Variants in SSTR2 observed in about 807,000 individuals in gnomAD.
SSTR2 encodes the protein somatostatin receptor type 2.
SSTR2 carries 10 observed loss-of-function variants against 21.4 expected under a neutral mutation model. The observed-to-expected ratio is 0.47, with a 90% confidence interval of 0.29 to 0.79. The LOEUF (loss-of-function observed/expected upper bound fraction) is 0.79, where lower values mean the gene tolerates loss of function less well. Ranked by LOEUF, SSTR2 falls within the 30% of genes least tolerant of loss-of-function variation. SSTR2 has a pLI of 0.10. For missense variants in SSTR2, 364 were observed against 468.8 expected (o/e 0.78, Z 2.06); for synonymous variants, 177 against 181.3 (o/e 0.98, Z 0.19).
In SSTR2 at chr17:73,169,874, C is replaced by T. The variant is rs751744540; in HGVS notation, c.555C>T (p.Ser185=). 14 of 1,612,388 alleles carry T rather than the reference C, an allele frequency of 8.7e-6. No individual in the cohort carries two copies. The South Asian group carries it at 1.5e-4, about 18-fold the overall frequency. Residue 185 remains serine, a synonymous_variant, in exon 2 of 2, where the codon AGC becomes AGT. Coordinates refer to ENST00000357585, the MANE Select transcript of SSTR2 (RefSeq NM_001050.3). This position sits in a 1 kb window ranked among gnomAD's most constrained non-coding sequence, Gnocchi z 5.2. ...TCATGATATATGCTGGGCTCCGGAG[C>T]AACCAGTGGGGGAGAAGCAGCTGCA... is the stretch of plus-strand genomic sequence containing the variant. ...LPIMIYAGLR[S]NQWGRSSCTI...
rs1599310590 is a variant in SSTR2 at position 73,171,959 on chromosome 17, G to GAAAAAAAAAAAAAAAAAAAA, written c.*1534_*1535insAAAAAAAAAAAAAAAAAAAA. 1.4e-5 allele frequency: 1 copy of GAAAAAAAAAAAAAAAAAAAA among 73,190 alleles called. No homozygotes were observed. Among genetic ancestry groups the GAAAAAAAAAAAAAAAAAAAA allele is most frequent in the East Asian group, 4.5e-4 (1 of 2,238 alleles). 4.5% of individuals were successfully genotyped at this position (73,190 alleles called of 1,614,324 possible). ...AAAAAAAAAAAAAAAAAAAAAAAAG[G>GAAAAAAAAAAAAAAAAAAAA]AAAACCACAATGCGTACTAAAGACC... On this transcript the variant is annotated 3_prime_UTR_variant, in exon 2 of 2. Coordinates refer to ENST00000357585, the MANE Select transcript of SSTR2 (RefSeq NM_001050.3).
rs1200539872 is a variant in SSTR2 at position 73,176,411 on chromosome 17, T to C, written c.*5982T>C. 2.0e-5 allele frequency: 3 copies of C among 152,122 alleles called. No individual in the cohort carries two copies. Among genetic ancestry groups the C allele is most frequent in the Non-Finnish European group, 4.4e-5 (3 of 68,012 alleles). The allele number at this position is 152,122 out of a possible 1,614,324, so 9.4% of individuals were successfully genotyped here. The stretch of plus-strand genomic sequence containing the variant: ...GACCCAGTGGGAGGTAATTGAATCA[T>C]GGGGGTGGTTACCGCCATGCTGTTC... On this transcript the variant is annotated 3_prime_UTR_variant, in exon 2 of 2. Transcript: ENST00000357585.
At chr17:73,166,144 C>A (rs533204940) in intron 1 of SSTR2, among the ~76,000 whole-genome samples, 1 of 152,230 alleles carries the variant, frequency 6.6e-6, no homozygotes, top group African/African-American at 2.4e-5. Context: ...TCCTGACACT[C>A]GCCCCTCCAT....
chr17:73,169,402 C>T lies in SSTR2; in HGVS notation c.83C>T (p.Thr28Ile). Residue 28 changes from threonine (T) to isoleucine (I), a missense_variant, in exon 2 of 2, where the codon ACC becomes ATC. By Grantham distance (89) the Thr-to-Ile change is moderately conservative. This residue lies in a region of SSTR2 where 75 missense variants were observed against 75.4 expected (regional missense o/e 0.99). Transcript: ENST00000357585. The surrounding 1 kb of genome is among the most constrained non-coding windows in gnomAD (Gnocchi z 5.2). ...GACCTCAATGGCTCTGTGGTGTCAA[C>T]CAACACCTCAAACCAGACAGAGCCG... ...PFDLNGSVVSTNTSNQTEPYY... is the reference protein window; with the variant it reads ...PFDLNGSVVSINTSNQTEPYY... 1 of 1,614,206 alleles carries T rather than the reference C, an allele frequency of 6.2e-7. No homozygotes were observed. The highest frequency in any genetic ancestry group is 8.5e-7 in the Non-Finnish European group (1 of 1,180,036).
intron 1 of SSTR2, among the ~76,000 whole-genome samples, chr17:73,165,952 C>G (rs1354344035): frequency 1.3e-5 from 2 of 150,522 alleles, no homozygotes; most frequent in East Asian, 1.9e-4. Context: ...GCCCCCCCCC[C>G]ACACCCGGCA....
rs1470441891 is a variant in SSTR2 at position 73,169,441 on chromosome 17, C to A, written c.122C>A (p.Thr41Lys). ...SNQTEPYYDL[T>K]SNAVLTFIYF... ...CAGACAGAGCCGTACTATGACCTGA[C>A]AAGCAATGCAGTCCTCACATTCATC... is the stretch of plus-strand genomic sequence containing the variant. The change falls in exon 2 of 2, where the codon ACA (threonine) becomes AAA (lysine). Residue 41 changes from threonine (T) to lysine (K), a missense_variant. This residue lies in a region of SSTR2 where 75 missense variants were observed against 75.4 expected (regional missense o/e 0.99). Coordinates refer to ENST00000357585, the MANE Select transcript of SSTR2 (RefSeq NM_001050.3). This position sits in a 1 kb window ranked among gnomAD's most constrained non-coding sequence, Gnocchi z 5.2. The A allele has an allele frequency of 1.2e-6, 2 of 1,614,148 alleles. No individual in the cohort carries two copies. Among genetic ancestry groups the A allele is most frequent in the Non-Finnish European group, 1.7e-6 (2 of 1,180,056 alleles).
rs1325204129 is a variant in SSTR2 at position 73,170,200 on chromosome 17, T to A, written c.881T>A (p.Phe294Tyr). The change falls in exon 2 of 2, where the codon TTT (phenylalanine) becomes TAT (tyrosine). Residue 294 changes from phenylalanine (F) to tyrosine (Y), a missense_variant. By Grantham distance (22) the Phe-to-Tyr change is conservative. Transcript: ENST00000357585. The part of the protein sequence containing the change: ...ISPTPALKGM[F>Y]DFVVVLTYAN... ...CCCACCCCAGCCCTTAAAGGCATGT[T>A]TGACTTTGTGGTGGTCCTCACCTAT... 6.2e-7 allele frequency: 1 copy of A among 1,614,148 alleles called. No individual in the cohort carries two copies. The highest frequency in any genetic ancestry group is 1.1e-5 in the South Asian group (1 of 91,080).
intron 1 of SSTR2, among the ~76,000 whole-genome samples, chr17:73,167,595 C>T (rs1568285418): frequency 6.6e-6 from 1 of 152,344 alleles, no homozygotes; most frequent in South Asian, 2.1e-4. Flanking sequence ...CTAGATTGGC[C>T]TCTTTGCTGT....
chr17:73,166,552 T>A (rs941867814), intron 1 of SSTR2, among the ~76,000 whole-genome samples: 2 of 152,106 alleles, frequency 1.3e-5, no homozygotes, highest in Non-Finnish European at 2.9e-5. Context: ...ATCTAACAAT[T>A]CTTGGGCTGG....
chr17:73,165,633 C>T (rs561954476), intron 1 of SSTR2, among the ~76,000 whole-genome samples: 56 of 151,926 alleles, frequency 3.7e-4, no homozygotes, highest in Non-Finnish European at 7.4e-4. Flanking sequence ...ACTTCTCTCC[C>T]AGCCCCCTAC....
rs186372585 is a variant in SSTR2 at position 73,171,471 on chromosome 17, A to T, written c.*1042A>T. 2 of 167,146 alleles carry T rather than the reference A, an allele frequency of 1.2e-5. No individual in the cohort carries two copies. The highest frequency in any genetic ancestry group is 3.9e-4 in the East Asian group (2 of 5,194). 10.4% of individuals were successfully genotyped at this position (167,146 alleles called of 1,614,324 possible). The stretch of plus-strand genomic sequence containing the variant: ...TCTCCATCGTGAAAATAAGTGAATA[A>T]GAGTGAAGCAAAATTACACCTTTAT... On this transcript the variant is annotated 3_prime_UTR_variant, in exon 2 of 2. Coordinates refer to ENST00000357585, the MANE Select transcript of SSTR2 (RefSeq NM_001050.3).
At chr17:73,166,585 G>A (rs1465486236) in intron 1 of SSTR2, among the ~76,000 whole-genome samples, 2 of 152,120 alleles carry the variant, frequency 1.3e-5, no homozygotes, top group Non-Finnish European at 1.5e-5. Flanking sequence ...TGCAGAAAAC[G>A]AAACTTCCTT....
At chr17:73,168,498 C>T (rs2061223372) in intron 1 of SSTR2, among the ~76,000 whole-genome samples, 3 of 152,116 alleles carry the variant, frequency 2.0e-5, no homozygotes, top group Admixed American at 2.0e-4. Flanking sequence ...TGAAAGCAAA[C>T]CAGACTTTTA....
rs2061245102 is a variant in SSTR2 at position 73,174,907 on chromosome 17, C to T, written c.*4478C>T. The T allele has an allele frequency of 6.5e-6, 1 of 152,764 alleles. No homozygotes were observed. Among genetic ancestry groups the T allele is most frequent in the Non-Finnish European group, 1.5e-5 (1 of 68,034 alleles). The allele number at this position is 152,764 out of a possible 1,614,324, so 9.5% of individuals were successfully genotyped here. On this transcript the variant is annotated 3_prime_UTR_variant, in exon 2 of 2. Transcript: ENST00000357585. The stretch of plus-strand genomic sequence containing the variant: ...TGTAGAACAGCTCAAAATATCAGTT[C>T]TGTTTTAAGTAACAGAATTGATAAC...
chr17:73,173,623 T>TA lies in SSTR2; in HGVS notation c.*3196dup, dbSNP rs1254173362. ...CTGGGTGCTGGGAGGGAATAAAAAG[T>TA]AATGCACCCCATTGATTTCAGAGTA... On this transcript the variant is annotated 3_prime_UTR_variant, in exon 2 of 2. Transcript: ENST00000357585. 6.6e-6 allele frequency: 1 copy of TA among 152,194 alleles called. No individual in the cohort carries two copies. The highest frequency in any genetic ancestry group is 1.5e-5 in the Non-Finnish European group (1 of 68,032). 9.4% of individuals were successfully genotyped at this position (152,194 alleles called of 1,614,324 possible).
At chr17:73,168,023 G>C (rs573651528) in intron 1 of SSTR2, 1 of 152,202 alleles carries the variant, frequency 6.6e-6, no homozygotes, top group African/African-American at 2.4e-5. Context: ...TCAGCCGTTC[G>C]GTCTCTAGGC....
At chr17:73,168,815 A>G (rs2061224379) in intron 1 of SSTR2, among the ~76,000 whole-genome samples, 2 of 152,220 alleles carry the variant, frequency 1.3e-5, no homozygotes, top group Non-Finnish European at 2.9e-5. Context: ...CAGAATGGAA[A>G]GACTCCAAGG....
chr17:73,167,925 G>C (rs2061221558), intron 1 of SSTR2: 1 of 152,178 alleles, frequency 6.6e-6, no homozygotes. Context: ...TATTGTTTTA[G>C]ATCTTAAGCC....
In SSTR2 at chr17:73,169,734, G is replaced by A. The variant is rs767248654; in HGVS notation, c.415G>A (p.Asp139Asn). 27 of 1,614,042 alleles carry A rather than the reference G, an allele frequency of 1.7e-5. No homozygotes were observed. Among genetic ancestry groups the A allele is most frequent in the Non-Finnish European group, 2.2e-5 (26 of 1,180,050 alleles). The change falls in exon 2 of 2, where the codon GAC becomes AAC. Residue 139 changes from aspartate to asparagine, a missense_variant. By Grantham distance (23) the Asp-to-Asn change is conservative. Transcript: ENST00000357585. This position sits in a 1 kb window ranked among gnomAD's most constrained non-coding sequence, Gnocchi z 5.2. ...CTTCTGCCTGACAGTCATGAGCATC[G>A]ACCGATACCTGGCTGTGGTCCACCC... ...SIFCLTVMSI[D>N]RYLAVVHPIK...
Sources: gnomAD v4.1 joint callset for allele counts (sites outside exome capture counted in the v4.1 genomes callset) on GRCh38, gnomAD v4.1.1 for gene constraint, gnomAD v4.1.1 regional missense constraint, Gnocchi (gnomAD v3.1) non-coding constraint, MANE v1.5 for transcripts, NCBI Gene and HGNC (gene_info 2026-07-23, HGNC 2026-07-21) for gene names.